NTRK1: variants seen among roughly 807,000 people sequenced by gnomAD.
NTRK1 encodes neurotrophic receptor tyrosine kinase 1, also known as high affinity nerve growth factor receptor.
NTRK1 carries 62 observed loss-of-function variants against 86.8 expected under a neutral mutation model. That is an observed-to-expected ratio of 0.71 (90% confidence interval 0.58 to 0.88). The LOEUF (loss-of-function observed/expected upper bound fraction) is 0.88. Ranked by LOEUF, NTRK1 falls within the 40% of genes least tolerant of loss-of-function variation. NTRK1 has a pLI of 0.00. For missense variants in NTRK1, 967 were observed against 1,078.4 expected, an observed-to-expected ratio of 0.90 and a Z score of 1.45; for synonymous variants, 469 against 456.6, an observed-to-expected ratio of 1.03 and a Z score of -0.35.
At chr1:156,822,173 G>GTGCC (rs1469254743) in intron 1 of NTRK1, among the ~76,000 whole-genome samples, 1 of 152,170 alleles carries the variant, frequency 6.6e-6, no homozygotes. Context: ...TCCACCCCCT[G>GTGCC]TGCCCTCTCA....
At chr1:156,839,200 C>A (rs1654686254) in intron 1 of NTRK1, among the ~76,000 whole-genome samples, 1 of 152,222 alleles carries the variant, frequency 6.6e-6, no homozygotes, top group East Asian at 1.9e-4. Context: ...GACGGCCTCA[C>A]GCAGACTCGT....
At chr1:156,821,239 A>G (rs1181454983) in intron 1 of NTRK1, among the ~76,000 whole-genome samples, 2 of 152,012 alleles carry the variant, frequency 1.3e-5, no homozygotes, top group African/African-American at 4.8e-5. Flanking sequence ...TTTATGGTTG[A>G]GTCTTTAGGG....
chr1:156,816,136 ACTATGTCTGT>A, intron 1 of NTRK1: 1 of 1,581,564 alleles, frequency 6.3e-7, no homozygotes, highest in Admixed American at 1.8e-5. Flanking sequence ...TCAGAGAGGA[ACTATGTCTGT>A]CTCTGCCTCC....
At chr1:156,845,513 G>T in intron 2 of NTRK1, 1 of 1,475,702 alleles carries the variant, frequency 6.8e-7, no homozygotes. Flanking sequence ...CCCGGGACCC[G>T]CCCACACAAG....
rs1655782024 is a variant in NTRK1 at position 156,863,545 on chromosome 1, AG to A, written c.213-808del. Among the ~76,000 whole-genome samples the A allele has an allele frequency of 2.6e-5, 4 of 151,572 alleles. No homozygotes were observed. In the South Asian group the frequency reaches 8.4e-4, roughly 32 times the overall value. ...TCCCTCCTTGGGGTCCCTAACTGAT[AG>A]CCTGTAAGACTCTTGCTTGATCTGC... On this transcript the variant is annotated intron_variant, in intron 1 of 16. Coordinates refer to ENST00000524377, the MANE Select transcript of NTRK1 (RefSeq NM_002529.4).
intron 6 of NTRK1, 110 bp downstream of exon 6, chr1:156,868,757 C>T (rs1647337550): frequency 2.7e-6 from 4 of 1,467,794 alleles, no homozygotes; most frequent in South Asian, 1.2e-5. Flanking sequence ...ATAAGGAGCA[C>T]ACTGAGGTTG....
chr1:156,855,466 A>T (rs1655376546), intron 2 of NTRK1, among the ~76,000 whole-genome samples: 1 of 152,166 alleles, frequency 6.6e-6, no homozygotes, highest in African/African-American at 2.4e-5. Flanking sequence ...TGGCCTCCCA[A>T]AGTGCTGGGA....
intron 1 of NTRK1, chr1:156,840,847 A>G (rs748732751): frequency 1.9e-6 from 3 of 1,558,120 alleles, no homozygotes; most frequent in Admixed American, 1.7e-5. Context: ...TCCCCATGGG[A>G]GGCCAGCCAG....
At chr1:156,851,765 C>T (rs1241059654) in intron 2 of NTRK1, 1 of 1,611,478 alleles carries the variant, frequency 6.2e-7, no homozygotes, top group Non-Finnish European at 8.5e-7. Context: ...AGGGCACAGC[C>T]CCTCGCACTT....
At chr1:156,828,772 G>A (rs1442452692) in intron 1 of NTRK1, among the ~76,000 whole-genome samples, 1 of 152,190 alleles carries the variant, frequency 6.6e-6, no homozygotes, top group Non-Finnish European at 1.5e-5. Context: ...GGCAAATCCC[G>A]GAAGCCCTCT....
chr1:156,856,757 A>T (rs1217795755), upstream of NTRK1, among the ~76,000 whole-genome samples: 1 of 152,152 alleles, frequency 6.6e-6, no homozygotes, highest in Non-Finnish European at 1.5e-5. Flanking sequence ...CTGGGCACTC[A>T]GGAACCATGG....
At position 156,860,900 on chromosome 1, in the gene NTRK1, G is replaced by T. The variant is rs945643251; in HGVS notation, c.-35G>T. 46 of 1,420,114 alleles carry T rather than the reference G, an allele frequency of 3.2e-5. No individual in the cohort carries two copies. The highest frequency in any genetic ancestry group is 9.1e-5 in the African/African-American group (6 of 66,136). 88.0% of individuals were successfully genotyped at this position (1,420,114 alleles called of 1,614,324 possible). On this transcript the variant is annotated 5_prime_UTR_variant, in exon 1 of 17. Transcript: ENST00000524377. ...CAGCTGCAGCTGGGAGCGCACAGACGGCTGCCCCGCCTGAGCGAGGCGGGC... is the reference window on the plus strand; with the variant it reads ...CAGCTGCAGCTGGGAGCGCACAGACTGCTGCCCCGCCTGAGCGAGGCGGGC...
At chr1:156,862,629 C>G (rs1655707641) in intron 1 of NTRK1, among the ~76,000 whole-genome samples, 1 of 152,128 alleles carries the variant, frequency 6.6e-6, no homozygotes, top group African/African-American at 2.4e-5. Context: ...CCTCCTCACT[C>G]ACCCGCAGAG....
At chr1:156,850,762 G>A (rs190317377) in intron 2 of NTRK1, among the ~76,000 whole-genome samples, 2 of 151,736 alleles carry the variant, frequency 1.3e-5, no homozygotes, top group East Asian at 3.9e-4. Context: ...TCACCACGTT[G>A]GCCAGGCTGG....
upstream of NTRK1, among the ~76,000 whole-genome samples, chr1:156,860,117 A>G (rs1211502360): frequency 3.3e-5 from 5 of 152,196 alleles, no homozygotes; most frequent in Non-Finnish European, 7.4e-5. Context: ...GCCTTGCCCT[A>G]TCCTGCCCCG....
At chr1:156,851,525 GC>G in intron 2 of NTRK1, 1 of 1,601,916 alleles carries the variant, frequency 6.2e-7, no homozygotes. Flanking sequence ...GGGAAGGTGG[GC>G]CCTCAGGACT....
chr1:156,825,669 G>A (rs987761008), intron 1 of NTRK1, among the ~76,000 whole-genome samples: 29 of 152,158 alleles, frequency 1.9e-4, no homozygotes, highest in African/African-American at 6.3e-4. Context: ...GGATTACCTG[G>A]TGCCATTTTA....
At chr1:156,845,988 C>T in intron 2 of NTRK1, 1 of 1,613,788 alleles carries the variant, frequency 6.2e-7, no homozygotes, top group South Asian at 1.1e-5. Flanking sequence ...AGGTCGCCGT[C>T]CTCTGCCAGC....
intron 2 of NTRK1, among the ~76,000 whole-genome samples, chr1:156,850,534 CTTT>C (rs35237064): frequency 2.6e-4 from 15 of 58,630 alleles, no homozygotes; most frequent in African/African-American, 7.3e-4. Context: ...TTAAAACATT[CTTT>C]TTTTTTTTTT....
Sources: allele counts gnomAD v4.1 joint callset (sites outside exome capture counted in the v4.1 genomes callset), GRCh38; gene constraint gnomAD v4.1.1; transcripts MANE v1.5; gene names NCBI Gene and HGNC (gene_info 2026-07-23, HGNC 2026-07-21).